The following CLSTN2 variants were observed in gnomAD, a reference collection of about 807,000 sequenced individuals.
CLSTN2 encodes the protein calsyntenin-2.
In CLSTN2, 48 loss-of-function variants were observed where a neutral mutation model predicts 101.2. The observed-to-expected ratio is 0.47, with a 90% CI of 0.38 to 0.60. CLSTN2 has a LOEUF of 0.60. CLSTN2 is among the 20% of genes least tolerant of loss of function. CLSTN2 has a pLI of 0.00. For synonymous variants in CLSTN2, 481 were observed against 463.6 expected, an observed-to-expected ratio of 1.04 and a Z score of -0.48; for missense variants, 1,160 against 1,238.2, an observed-to-expected ratio of 0.94 and a Z score of 0.95.
chr3:140,521,901 G>C lies in CLSTN2; in HGVS notation c.1345-10423G>C, dbSNP rs190111452. On this transcript the variant is annotated intron_variant, in intron 8 of 16. Coordinates refer to ENST00000458420, the MANE Select transcript of CLSTN2 (RefSeq NM_022131.3). ...ATGACACTGCTTGGCTCCCTGGATA[G>C]AGCCCGCCTCCTAGGGGTATGTAGG... 3.9e-5 allele frequency among the ~76,000 whole-genome samples: 6 copies of C among 152,330 alleles called. No individual in the cohort carries two copies. The East Asian group carries it at 9.6e-4, about 24-fold the overall frequency.
chr3:140,157,550 A>G (rs1474649973), intron 1 of CLSTN2, among the ~76,000 whole-genome samples: 1 of 152,162 alleles, frequency 6.6e-6, no homozygotes, highest in Non-Finnish European at 1.5e-5. Context: ...ATAGTCTCTG[A>G]GGATCTTTGT....
In CLSTN2 at chr3:140,271,598, G is replaced by A. The variant is rs2086742496; in HGVS notation, c.232+95525G>A. Among the ~76,000 whole-genome samples the A allele has an allele frequency of 2.6e-5, 4 of 152,092 alleles. No homozygotes were observed. The South Asian group carries it at 8.3e-4, about 32-fold the overall frequency. On this transcript the variant is annotated intron_variant, in intron 2 of 16. Coordinates refer to ENST00000458420, the MANE Select transcript of CLSTN2 (RefSeq NM_022131.3). ...AAAAGGGACTGACAACCTCCCTCAGGCCTCTTTCATAAGGGCACTAATCCC... is the reference window on the plus strand; with the variant it reads ...AAAAGGGACTGACAACCTCCCTCAGACCTCTTTCATAAGGGCACTAATCCC...
intron 1 of CLSTN2, among the ~76,000 whole-genome samples, chr3:140,048,164 T>G (rs2007918154): frequency 6.6e-6 from 1 of 152,228 alleles, no homozygotes; most frequent in Non-Finnish European, 1.5e-5. Flanking sequence ...AAATGGAAGC[T>G]GATATTTCTT....
chr3:140,465,137 T>TA (rs1318765949), intron 7 of CLSTN2, among the ~76,000 whole-genome samples: 1 of 152,164 alleles, frequency 6.6e-6, no homozygotes, highest in Non-Finnish European at 1.5e-5. Flanking sequence ...ATCAAACTAA[T>TA]ACAGAGAATG....
At chr3:140,096,784 C>T (rs954855831) in intron 1 of CLSTN2, among the ~76,000 whole-genome samples, 1 of 152,128 alleles carries the variant, frequency 6.6e-6, no homozygotes, top group South Asian at 2.1e-4. Flanking sequence ...GTGATCTCTT[C>T]GTCTGGAATA....
rs772186079 is a variant in CLSTN2 at position 140,403,746 on chromosome 3, A to G, written c.350A>G (p.Gln117Arg). 6.2e-7 allele frequency: 1 copy of G among 1,614,192 alleles called. No homozygotes were observed. The highest frequency in any genetic ancestry group is 8.5e-7 in the Non-Finnish European group (1 of 1,180,032). Residue 117 changes from glutamine to arginine, a missense_variant, in exon 3 of 17, where the codon CAG (glutamine) becomes CGG (arginine). By Grantham distance (43) the Gln-to-Arg change is conservative. Coordinates refer to ENST00000458420, the MANE Select transcript of CLSTN2 (RefSeq NM_022131.3). The part of the protein sequence containing the change: ...RAKSPIDCEL[Q>R]KEYTFIIQAY... Reference sequence around the variant, plus strand: ...AAGAGCCCCATTGACTGTGAGTTGCAGAAGGAGTACACATTCATCATCCAG... The same window carrying G: ...AAGAGCCCCATTGACTGTGAGTTGCGGAAGGAGTACACATTCATCATCCAG...
At chr3:140,499,756 A>G (rs1934533969) in intron 8 of CLSTN2, among the ~76,000 whole-genome samples, 1 of 152,122 alleles carries the variant, frequency 6.6e-6, no homozygotes, top group Non-Finnish European at 1.5e-5. Context: ...CAGGTACCTA[A>G]TAACCCTATA....
At chr3:139,972,835 C>A (rs1194181362) in intron 1 of CLSTN2, among the ~76,000 whole-genome samples, 1 of 152,140 alleles carries the variant, frequency 6.6e-6, no homozygotes, top group African/African-American at 2.4e-5. Flanking sequence ...CCACAGGTGG[C>A]TCTCAGTAGT....
chr3:140,556,790 T>C, intron 11 of CLSTN2, 129 bp downstream of exon 11: 1 of 838,250 alleles, frequency 1.2e-6, no homozygotes, highest in Non-Finnish European at 1.8e-6. Context: ...ACTTCTGCTA[T>C]TCCTCTGAGG....
At chr3:140,059,895 T>TA (rs2008168844) in intron 1 of CLSTN2, among the ~76,000 whole-genome samples, 1 of 152,098 alleles carries the variant, frequency 6.6e-6, no homozygotes, top group Non-Finnish European at 1.5e-5. Context: ...TTCAAGACAT[T>TA]AATGGTTTTG....
intron 6 of CLSTN2, among the ~76,000 whole-genome samples, chr3:140,459,079 T>C (rs1933489613): frequency 6.6e-6 from 1 of 152,188 alleles, no homozygotes; most frequent in South Asian, 2.1e-4. Context: ...CTGACTCACC[T>C]TCATAGAGCC....
chr3:140,221,618 G>T (rs541019398), intron 2 of CLSTN2, among the ~76,000 whole-genome samples: 7 of 152,232 alleles, frequency 4.6e-5, no homozygotes, highest in Admixed American at 3.9e-4. Context: ...TATATAAGGA[G>T]CTCAAATGAC....
intron 1 of CLSTN2, among the ~76,000 whole-genome samples, chr3:139,999,761 A>C (rs528648759): frequency 1.3e-5 from 2 of 152,062 alleles, no homozygotes; most frequent in African/African-American, 2.4e-5. Flanking sequence ...AAGTACAATA[A>C]AAGTAGGTGT....
At chr3:140,542,596 G>A (rs1259312326) in intron 9 of CLSTN2, among the ~76,000 whole-genome samples, 1 of 152,010 alleles carries the variant, frequency 6.6e-6, no homozygotes, top group Non-Finnish European at 1.5e-5. Context: ...CCACCTGAGT[G>A]CAAATATATT....
At chr3:140,033,761 AG>A in intron 1 of CLSTN2, among the ~76,000 whole-genome samples, 1 of 152,332 alleles carries the variant, frequency 6.6e-6, no homozygotes, top group Non-Finnish European at 1.5e-5. Flanking sequence ...TTTTCTGTGC[AG>A]GTAGGCATAG....
intron 8 of CLSTN2, among the ~76,000 whole-genome samples, chr3:140,477,652 A>T (rs1934017821): frequency 6.6e-6 from 1 of 152,214 alleles, no homozygotes; most frequent in Admixed American, 6.5e-5. Context: ...GTCATTTACC[A>T]AAGGTGTTGG....
Position 140,299,492 on chromosome 3 carries a change from C to T in CLSTN2, c.233-104137C>T, listed in dbSNP as rs375024415. The stretch of plus-strand genomic sequence containing the variant: ...AAGTCATATTTAAATCCAACTGTAA[C>T]GTTTCATTCGTGTTAACTGCAGTCC... On this transcript the variant is annotated intron_variant, in intron 2 of 16. Coordinates refer to ENST00000458420, the MANE Select transcript of CLSTN2 (RefSeq NM_022131.3). Among the ~76,000 whole-genome samples, 34 of 152,272 alleles carry T rather than the reference C, an allele frequency of 2.2e-4. 1 individual carries two copies. In the South Asian group the frequency reaches 5.4e-3, roughly 24 times the overall value.
intron 2 of CLSTN2, among the ~76,000 whole-genome samples, chr3:140,398,328 T>C (rs2088204946): frequency 6.6e-6 from 1 of 152,224 alleles, no homozygotes; most frequent in Non-Finnish European, 1.5e-5. Context: ...ATATTTACTG[T>C]ATCATTAAAG....
At chr3:140,315,980 A>G (rs954463733) in intron 2 of CLSTN2, among the ~76,000 whole-genome samples, 14 of 152,158 alleles carry the variant, frequency 9.2e-5, no homozygotes, top group Non-Finnish European at 1.9e-4. Flanking sequence ...AGCAGTCAGG[A>G]TGGACTTTCA....
Sources: gnomAD v4.1 joint callset for allele counts (sites outside exome capture counted in the v4.1 genomes callset) on GRCh38, gnomAD v4.1.1 for gene constraint, MANE v1.5 for transcripts, NCBI Gene and HGNC (gene_info 2026-07-23, HGNC 2026-07-21) for gene names.